The following EEFSEC variants were observed in gnomAD, a reference collection of about 807,000 sequenced individuals.
EEFSEC encodes the protein eukaryotic elongation factor, selenocysteine-tRNA specific.
Under a neutral mutation model 42.1 loss-of-function variants are expected in EEFSEC, and 43 were observed. That is an observed-to-expected ratio of 1.02 (90% CI 0.80 to 1.32). The LOEUF is 1.32. Among genes scored for constraint, EEFSEC ranks in the 40% most tolerant of loss-of-function variants. EEFSEC has a pLI of 0.00. For synonymous variants in EEFSEC, 354 were observed against 339.1 expected, an observed-to-expected ratio of 1.04 and a Z score of -0.48; for missense variants, 745 against 803.6, an observed-to-expected ratio of 0.93 and a Z score of 0.88.
chr3:128,163,576 A>T (rs766527980), intron 1 of EEFSEC, among the ~76,000 whole-genome samples: 20 of 151,996 alleles, frequency 1.3e-4, no homozygotes, highest in Admixed American at 4.6e-4. Context: ...CTGAGTGTAC[A>T]CTAAGTGAAC....
chr3:128,401,010 C>G (rs887782328), intron 6 of EEFSEC, among the ~76,000 whole-genome samples: 3 of 152,170 alleles, frequency 2.0e-5, no homozygotes, highest in African/African-American at 7.2e-5. Flanking sequence ...TTGGGTTCAT[C>G]AGGGGGTGGA....
intron 1 of EEFSEC, among the ~76,000 whole-genome samples, chr3:128,223,829 A>C (rs894541514): frequency 6.6e-6 from 1 of 152,200 alleles, no homozygotes; most frequent in Non-Finnish European, 1.5e-5. Flanking sequence ...AAAACAAGCG[A>C]AGAAAACAGG....
At chr3:128,160,630 G>A (rs545800808) in intron 1 of EEFSEC, among the ~76,000 whole-genome samples, 1 of 152,162 alleles carries the variant, frequency 6.6e-6, no homozygotes, top group African/African-American at 2.4e-5. Context: ...CTGGGAGATC[G>A]GGCTCTTGTT....
intron 5 of EEFSEC, among the ~76,000 whole-genome samples, chr3:128,344,966 C>G (rs1198575679): frequency 6.6e-6 from 1 of 152,210 alleles, no homozygotes; most frequent in Non-Finnish European, 1.5e-5. Flanking sequence ...GCCCTGTTTG[C>G]TTTGAGTAGG....
chr3:128,153,731 C>A lies in EEFSEC; in HGVS notation c.224C>A (p.Pro75His). Residue 75 changes from proline to histidine, a missense_variant, in exon 1 of 7, where the codon CCC (proline) becomes CAC (histidine). Coordinates refer to ENST00000254730, the MANE Select transcript of EEFSEC (RefSeq NM_021937.5). Reference sequence around the variant, plus strand: ...TCTTTGCCCGAGTTCCAGGCAGCGCCCGAGGCCGAGCCCGAGCCCGGCGAG... The same window carrying A: ...TCTTTGCCCGAGTTCCAGGCAGCGCACGAGGCCGAGCCCGAGCCCGGCGAG... ...RSSLPEFQAA[P>H]EAEPEPGEPL... 6.4e-7 allele frequency: 1 copy of A among 1,552,874 alleles called. No individual in the cohort carries two copies. Among genetic ancestry groups the A allele is most frequent in the Non-Finnish European group, 8.6e-7 (1 of 1,159,152 alleles).
At chr3:128,299,695 C>T (rs1336320034) in intron 4 of EEFSEC, among the ~76,000 whole-genome samples, 1 of 152,144 alleles carries the variant, frequency 6.6e-6, no homozygotes, top group Non-Finnish European at 1.5e-5. Context: ...CAGCTGACTC[C>T]CTTGTGTGTT....
intron 3 of EEFSEC, among the ~76,000 whole-genome samples, chr3:128,263,693 T>C (rs961717232): frequency 2.0e-5 from 3 of 152,274 alleles, no homozygotes; most frequent in Admixed American, 2.0e-4. Flanking sequence ...CACCACTGAA[T>C]ACTTTTTTGA....
intron 1 of EEFSEC, among the ~76,000 whole-genome samples, chr3:128,196,244 C>G (rs1271401417): frequency 6.6e-6 from 1 of 152,216 alleles, no homozygotes; most frequent in Non-Finnish European, 1.5e-5. Context: ...CGTTTATGAT[C>G]AATTAAATGA....
At chr3:128,205,244 G>A (rs1316099969) in intron 1 of EEFSEC, among the ~76,000 whole-genome samples, 1 of 152,204 alleles carries the variant, frequency 6.6e-6, no homozygotes, top group Non-Finnish European at 1.5e-5. Flanking sequence ...CCTCCTCTGG[G>A]CCATGTAGGC....
chr3:128,173,267 G>A (rs941486780), intron 1 of EEFSEC, among the ~76,000 whole-genome samples: 24 of 152,168 alleles, frequency 1.6e-4, no homozygotes, highest in African/African-American at 5.8e-4. Flanking sequence ...CCTGGTTTGT[G>A]AGGGGAATGA....
intron 6 of EEFSEC, among the ~76,000 whole-genome samples, chr3:128,365,407 CA>C (rs2067578785): frequency 6.6e-6 from 1 of 152,314 alleles, no homozygotes; most frequent in African/African-American, 2.4e-5. Flanking sequence ...TGGGACCAGC[CA>C]CTTTCCAGTC....
In EEFSEC at chr3:128,317,535, C is replaced by A. The variant is rs763437995; in HGVS notation, c.787-23698C>A. Among the ~76,000 whole-genome samples, 2 of 152,244 alleles carry A rather than the reference C, an allele frequency of 1.3e-5. No homozygotes were observed. Among genetic ancestry groups the A allele is most frequent in the African/African-American group, 4.8e-5 (2 of 41,460 alleles). On this transcript the variant is annotated intron_variant, in intron 4 of 6. Coordinates refer to ENST00000254730, the MANE Select transcript of EEFSEC (RefSeq NM_021937.5). The surrounding 1 kb of genome is among the most constrained non-coding windows in gnomAD (Gnocchi z 4.1). ...CTCCGATTTGCTCTGTGCCCAGAGT[C>A]TTTTTCCCCATCAGTCCTCTTTCCA...
intron 4 of EEFSEC, among the ~76,000 whole-genome samples, chr3:128,299,925 T>G (rs2066748796): frequency 6.6e-6 from 1 of 152,226 alleles, no homozygotes. Context: ...GGGTGGTTCC[T>G]GTGTGTCCTG....
chr3:128,419,511 G>A, the EEFSEC span, among the ~76,000 whole-genome samples: 8 of 152,330 alleles, frequency 5.3e-5, no homozygotes, highest in African/African-American at 1.2e-4. Context: ...GGAGAAAGGC[G>A]TGCAAGGATG....
intron 1 of EEFSEC, among the ~76,000 whole-genome samples, chr3:128,169,239 G>A (rs187118566): frequency 2.6e-5 from 4 of 152,296 alleles, no homozygotes; most frequent in South Asian, 2.1e-4. Context: ...ACAAAAGCCC[G>A]TCCCTGGAAT....
At chr3:128,268,651 A>G (rs2066380743) in intron 4 of EEFSEC, among the ~76,000 whole-genome samples, 1 of 152,008 alleles carries the variant, frequency 6.6e-6, no homozygotes, top group Non-Finnish European at 1.5e-5. Context: ...AGACAAGGAG[A>G]AGACACGGAG....
chr3:128,382,396 A>G (rs1009713657), intron 6 of EEFSEC, among the ~76,000 whole-genome samples: 3 of 152,224 alleles, frequency 2.0e-5, no homozygotes, highest in African/African-American at 4.8e-5. Context: ...CGGCACCAGC[A>G]GGAGCTGTGT....
chr3:128,163,193 T>A (rs1482551922), intron 1 of EEFSEC, among the ~76,000 whole-genome samples: 1 of 152,028 alleles, frequency 6.6e-6, no homozygotes, highest in Non-Finnish European at 1.5e-5. Flanking sequence ...TCTGGTACTC[T>A]GGGTATCTTG....
intron 4 of EEFSEC, among the ~76,000 whole-genome samples, chr3:128,285,441 G>T (rs764269674): frequency 6.6e-6 from 1 of 152,152 alleles, no homozygotes; most frequent in African/African-American, 2.4e-5. Context: ...GCACATAATG[G>T]CTGGGCAGCA....
Sources: gnomAD v4.1 joint callset for allele counts (sites outside exome capture counted in the v4.1 genomes callset) on GRCh38, gnomAD v4.1.1 for gene constraint, Gnocchi (gnomAD v3.1) non-coding constraint, MANE v1.5 for transcripts, NCBI Gene and HGNC (gene_info 2026-07-23, HGNC 2026-07-21) for gene names.